The following ASPRV1 variants were observed in gnomAD, a reference collection of about 807,000 sequenced individuals.
ASPRV1 encodes aspartic peptidase retroviral like 1.
ASPRV1 carries 7 observed loss-of-function variants against 11.0 expected under a neutral mutation model. That is an observed-to-expected ratio of 0.64 (90% confidence interval 0.36 to 1.20). ASPRV1 has a LOEUF of 1.20. ASPRV1 is among the 50% of genes most tolerant of loss of function. The pLI is 0.02. For synonymous variants in ASPRV1, 136 were observed against 138.4 expected (o/e 0.98, Z 0.12); for missense variants, 299 against 320.0 (o/e 0.93, Z 0.50).
At chr2:69,970,636 G>A in the ASPRV1 span, 1 of 152,212 alleles carries the variant, frequency 6.6e-6, no homozygotes. Context: ...CTATCATAAG[G>A]GACTGCCAGG....
the ASPRV1 span, among the ~76,000 whole-genome samples, chr2:70,067,656 C>T: frequency 1.2e-4 from 19 of 152,124 alleles, no homozygotes; most frequent in Admixed American, 1.2e-3. Flanking sequence ...TGTTATATCA[C>T]TTGTATAGAG....
chr2:69,950,035 C>T, the ASPRV1 span, among the ~76,000 whole-genome samples: 2 of 152,102 alleles, frequency 1.3e-5, no homozygotes, highest in African/African-American at 4.8e-5. Flanking sequence ...AGGCTGGTCT[C>T]GAACTCCTGA....
the ASPRV1 span, among the ~76,000 whole-genome samples, chr2:70,000,788 C>CAAAAAAAAAAAAA: frequency 4.3e-4 from 18 of 42,034 alleles, no homozygotes; most frequent in East Asian, 2.1e-3. Flanking sequence ...GACCCTGCCT[C>CAAAAAAAAAAAAA]AAAAAAAAAA....
chr2:69,935,255 C>A, the ASPRV1 span: 1 of 839,818 alleles, frequency 1.2e-6, no homozygotes, highest in Non-Finnish European at 2.0e-6. Context: ...ATCGCAAGGC[C>A]TGGGCAACTT....
chr2:70,059,743 A>C, the ASPRV1 span: 1 of 156,494 alleles, frequency 6.4e-6, no homozygotes, highest in African/African-American at 2.4e-5. Flanking sequence ...CATAAGAAGC[A>C]TGCAACCTAG....
At chr2:70,034,026 C>T in the ASPRV1 span, among the ~76,000 whole-genome samples, 1 of 151,510 alleles carries the variant, frequency 6.6e-6, no homozygotes, top group Non-Finnish European at 1.5e-5. Flanking sequence ...AGGTGGTGGG[C>T]GCCTGTAGTC....
chr2:70,019,470 A>G, the ASPRV1 span, among the ~76,000 whole-genome samples: 2 of 152,358 alleles, frequency 1.3e-5, no homozygotes, highest in Admixed American at 1.3e-4. Flanking sequence ...TCCCATATTC[A>G]TTACAGCATT....
At chr2:70,085,072 C>CTAG in the ASPRV1 span, among the ~76,000 whole-genome samples, 1 of 152,216 alleles carries the variant, frequency 6.6e-6, no homozygotes. Context: ...ACTGACCTAA[C>CTAG]ACTCTGTCAT....
the ASPRV1 span, chr2:70,011,927 G>A: frequency 2.0e-5 from 3 of 152,666 alleles, no homozygotes; most frequent in East Asian, 1.9e-4. Flanking sequence ...TCACCGCTAA[G>A]GGAGAAGCAG....
the ASPRV1 span, among the ~76,000 whole-genome samples, chr2:69,986,953 G>A: frequency 3.3e-5 from 5 of 152,164 alleles, no homozygotes; most frequent in South Asian, 4.1e-4. Flanking sequence ...CTTGCCTTGT[G>A]GGGTCTGGGG....
chr2:69,983,056 T>A, the ASPRV1 span, among the ~76,000 whole-genome samples: 3 of 152,156 alleles, frequency 2.0e-5, no homozygotes, highest in East Asian at 5.8e-4. Flanking sequence ...GTAGCTGGGA[T>A]TACAGGTGTG....
the ASPRV1 span, among the ~76,000 whole-genome samples, chr2:69,968,713 C>A: frequency 6.6e-6 from 1 of 152,218 alleles, no homozygotes; most frequent in Non-Finnish European, 1.5e-5. Context: ...CCCTCCCCAG[C>A]CTGGTCTGCC....
the ASPRV1 span, chr2:69,997,032 C>T: frequency 3.9e-6 from 1 of 254,442 alleles, no homozygotes; most frequent in Non-Finnish European, 7.9e-6. Flanking sequence ...GAAGTGGACA[C>T]ACAAGGAGGC....
At chr2:69,996,213 T>TCA in the ASPRV1 span, among the ~76,000 whole-genome samples, 15 of 20,354 alleles carry the variant, frequency 7.4e-4, no homozygotes, top group African/African-American at 2.2e-3. Context: ...CCCCCATCTC[T>TCA]CAAAAAAAAA....
the ASPRV1 span, among the ~76,000 whole-genome samples, chr2:70,060,803 C>T: frequency 1.3e-5 from 2 of 151,970 alleles, no homozygotes; most frequent in Non-Finnish European, 2.9e-5. Context: ...GCAACAAGAG[C>T]GAAACTCTGT....
At chr2:69,985,875 G>C in the ASPRV1 span, among the ~76,000 whole-genome samples, 1 of 152,168 alleles carries the variant, frequency 6.6e-6, no homozygotes, top group African/African-American at 2.4e-5. Flanking sequence ...AAATCACAAA[G>C]AACCACACAC....
chr2:69,980,016 C>A, the ASPRV1 span, among the ~76,000 whole-genome samples: 1 of 152,234 alleles, frequency 6.6e-6, no homozygotes, highest in Admixed American at 6.5e-5. Flanking sequence ...CCCCCTGCCG[C>A]TGGCCTGCCC....
the ASPRV1 span, among the ~76,000 whole-genome samples, chr2:69,982,447 C>T: frequency 6.6e-6 from 1 of 152,130 alleles, no homozygotes; most frequent in Admixed American, 6.6e-5. Context: ...CAGAGCAAAA[C>T]CCTGTCTCAA....
chr2:70,054,403 G>A, the ASPRV1 span, among the ~76,000 whole-genome samples: 8 of 151,512 alleles, frequency 5.3e-5, no homozygotes, highest in African/African-American at 1.5e-4. Context: ...GTGAAACCCC[G>A]TCTCTACTAA....
Sources: gnomAD v4.1 joint callset for allele counts (sites outside exome capture counted in the v4.1 genomes callset) on GRCh38, gnomAD v4.1.1 for gene constraint, MANE v1.5 for transcripts, NCBI Gene and HGNC (gene_info 2026-07-23, HGNC 2026-07-21) for gene names.